Variants in MCCC2 observed in about 807,000 individuals in gnomAD.
MCCC2 encodes the protein methylcrotonyl-CoA carboxylase subunit 2.
A neutral mutation model predicts 77.2 loss-of-function variants in MCCC2; 52 were observed. The ratio of observed to expected loss-of-function variants is 0.67; its 90% CI spans 0.54 to 0.85. The LOEUF is 0.85. Among genes scored for constraint, MCCC2 ranks in the 40% least tolerant of loss-of-function variants. MCCC2 has a pLI of 0.00. For synonymous variants in MCCC2, 253 were observed against 248.4 expected (o/e 1.02, Z -0.18); for missense variants, 682 against 703.2 (o/e 0.97, Z 0.34).
intron 8 of MCCC2, among the ~76,000 whole-genome samples, chr5:71,633,568 G>A (rs777694566): frequency 2.6e-5 from 4 of 151,172 alleles, no homozygotes; most frequent in Non-Finnish European, 5.9e-5. Context: ...TTTTTGGAAA[G>A]TACCATGAAA....
At chr5:71,629,136 G>A (rs1746629133) in intron 7 of MCCC2, among the ~76,000 whole-genome samples, 1 of 151,976 alleles carries the variant, frequency 6.6e-6, no homozygotes, top group Non-Finnish European at 1.5e-5. Context: ...ACTGGGAGGC[G>A]GAGGTTGCAG....
At position 71,641,081 on chromosome 5, in the gene MCCC2, A is replaced by G. The variant is rs1348176139; in HGVS notation, c.1072+6A>G. ...TGGAGACACATTAGTTACAGGTATA[A>G]AGGTGAAGAATTGAAAATACGAACA... On this transcript the variant is annotated splice_donor_region_variant and intron_variant, in intron 11 of 16. Coordinates refer to ENST00000340941, the MANE Select transcript of MCCC2 (RefSeq NM_022132.5). The G allele has an allele frequency of 1.2e-6, 2 of 1,612,000 alleles. No homozygotes were observed. Among genetic ancestry groups the G allele is most frequent in the Non-Finnish European group, 1.7e-6 (2 of 1,178,226 alleles).
intron 6 of MCCC2, among the ~76,000 whole-genome samples, chr5:71,623,864 C>T (rs769888265): frequency 9.2e-5 from 14 of 152,132 alleles, no homozygotes; most frequent in Non-Finnish European, 1.8e-4. Context: ...GTAAAATTCC[C>T]GGAAGTAGAT....
At chr5:71,590,113 C>T (rs1468623838) in intron 1 of MCCC2, among the ~76,000 whole-genome samples, 4 of 151,268 alleles carry the variant, frequency 2.6e-5, no homozygotes. Flanking sequence ...GATTAAAACA[C>T]ACACACACAC....
At chr5:71,607,256 C>CAA (rs1167842522) in intron 6 of MCCC2, among the ~76,000 whole-genome samples, 1 of 151,972 alleles carries the variant, frequency 6.6e-6, no homozygotes, top group African/African-American at 2.4e-5. Context: ...ATTTCAGCTC[C>CAA]TGTTATTGGT....
intron 2 of MCCC2, among the ~76,000 whole-genome samples, chr5:71,595,160 A>T (rs1399245458): frequency 6.6e-6 from 1 of 152,006 alleles, no homozygotes; most frequent in Non-Finnish European, 1.5e-5. Flanking sequence ...TCAGCCTCCC[A>T]AAGTGCTGGG....
intron 12 of MCCC2, among the ~76,000 whole-genome samples, 165 bp downstream of exon 12, chr5:71,644,060 TGTGTGTGTGTGC>T (rs1023564918): frequency 7.4e-5 from 11 of 147,802 alleles, no homozygotes; most frequent in African/African-American, 2.9e-4. Flanking sequence ...TGTGTGTGTG[TGTGTGTGTGTGC>T]GCGCGTGTGT....
At chr5:71,587,700 A>C in intron 1 of MCCC2, 146 bp downstream of exon 1, 1 of 1,119,344 alleles carries the variant, frequency 8.9e-7, no homozygotes, top group Non-Finnish European at 1.3e-6. Context: ...GAAAAGCCTA[A>C]CAGATACAAG....
At chr5:71,592,878 A>C (rs1028508417) in intron 1 of MCCC2, 48 bp from the exon 2 acceptor site, 1 of 1,356,216 alleles carries the variant, frequency 7.4e-7, no homozygotes, top group Non-Finnish European at 1.1e-6. Context: ...GTAAAAAGGA[A>C]TTGCTTTCTA....
At position 71,650,113 on chromosome 5, in the gene MCCC2, T is replaced by TGGGAGGAGAGCA; in HGVS notation, c.1421_1432dup (p.Gly474_Gln477dup). The TGGGAGGAGAGCA allele has an allele frequency of 6.2e-7, 1 of 1,614,150 alleles. No individual in the cohort carries two copies. Among genetic ancestry groups the TGGGAGGAGAGCA allele is most frequent in the Non-Finnish European group, 8.5e-7 (1 of 1,180,006 alleles). On this transcript the variant is annotated inframe_insertion, in exon 15 of 17. Coordinates refer to ENST00000340941, the MANE Select transcript of MCCC2 (RefSeq NM_022132.5). ...TGGCCAAATGCTCGTATCTCAGTGA[T>TGGGAGGAGAGCA]GGGAGGAGAGCAGGCAGCCAATGTG...
At chr5:71,612,593 A>G (rs1401441840) in intron 6 of MCCC2, among the ~76,000 whole-genome samples, 1 of 152,074 alleles carries the variant, frequency 6.6e-6, no homozygotes, top group Non-Finnish European at 1.5e-5. Context: ...CTTGGCCTCA[A>G]GGATCCTTCT....
At chr5:71,596,257 A>G (rs1745183823) in intron 2 of MCCC2, 23 bp from the exon 3 acceptor site, 1 of 1,602,036 alleles carries the variant, frequency 6.2e-7, no homozygotes, top group African/African-American at 1.3e-5. Context: ...ATCTAATCTA[A>G]TCTAATCACA....
chr5:71,599,888 G>C, intron 4 of MCCC2, 128 bp downstream of exon 4: 1 of 804,436 alleles, frequency 1.2e-6, no homozygotes, highest in African/African-American at 1.7e-5. Flanking sequence ...AGGACTGGCT[G>C]GGTGTGGTGG....
At chr5:71,626,875 C>T (rs1746546001) in intron 7 of MCCC2, 122 bp downstream of exon 7, 11 of 935,206 alleles carry the variant, frequency 1.2e-5, no homozygotes, top group Non-Finnish European at 1.7e-5. Context: ...ATAAAACTTA[C>T]TGTTGTAACC....
At chr5:71,632,045 G>T (rs1746735092) in intron 7 of MCCC2, 76 bp from the exon 8 acceptor site, 2 of 1,214,198 alleles carry the variant, frequency 1.6e-6, no homozygotes, top group Non-Finnish European at 2.5e-6. Context: ...GTCAGGTGAG[G>T]AGTTGTGCAT....
intron 6 of MCCC2, among the ~76,000 whole-genome samples, chr5:71,623,291 G>A (rs1004110818): frequency 4.6e-5 from 7 of 152,202 alleles, no homozygotes; most frequent in South Asian, 2.1e-4. Context: ...GGGAGTCTGG[G>A]CGCAGTGTAG....
intron 6 of MCCC2, among the ~76,000 whole-genome samples, chr5:71,604,707 A>G (rs1251006148): frequency 2.6e-5 from 4 of 151,480 alleles, no homozygotes; most frequent in Admixed American, 6.6e-5. Flanking sequence ...CATTAGGTAT[A>G]TCTCCCAATG....
intron 2 of MCCC2, 78 bp from the exon 3 acceptor site, chr5:71,596,202 T>A: frequency 1.8e-6 from 1 of 545,658 alleles, no homozygotes; most frequent in Non-Finnish European, 2.8e-6. Context: ...ATATTTTGGA[T>A]TAAGTATTAT....
intron 15 of MCCC2, among the ~76,000 whole-genome samples, chr5:71,650,933 G>GCA (rs1444230617): frequency 6.6e-6 from 1 of 152,284 alleles, no homozygotes; most frequent in East Asian, 1.9e-4. Flanking sequence ...ATAGGCTTGA[G>GCA]CCACCGCGCC....
Sources: gnomAD v4.1 joint callset for allele counts (sites outside exome capture counted in the v4.1 genomes callset) on GRCh38, gnomAD v4.1.1 for gene constraint, MANE v1.5 for transcripts, NCBI Gene and HGNC (gene_info 2026-07-23, HGNC 2026-07-21) for gene names.